The following GTF2IRD1 variants were observed in gnomAD, a reference collection of about 807,000 sequenced individuals.
GTF2IRD1 encodes the protein general transcription factor II-I repeat domain-containing protein 1.
Under a neutral mutation model 113.2 loss-of-function variants are expected in GTF2IRD1, and 26 were observed. The ratio of observed to expected loss-of-function variants is 0.23; its 90% CI spans 0.17 to 0.32. GTF2IRD1 has a LOEUF of 0.32. Among genes scored for constraint, GTF2IRD1 ranks in the 10% least tolerant of loss-of-function variants. The pLI is 1.00. For missense variants in GTF2IRD1, 864 were observed against 1,280.8 expected (o/e 0.67, Z 4.97); for synonymous variants, 484 against 529.1 (o/e 0.91, Z 1.17).
At chr7:74,527,217 G>A (rs782017536) in intron 8 of GTF2IRD1, among the ~76,000 whole-genome samples, 4 of 152,164 alleles carry the variant, frequency 2.6e-5, no homozygotes, top group Non-Finnish European at 5.9e-5. Flanking sequence ...GGCCAGGAGC[G>A]GTGGCTCATG....
At chr7:74,515,301 A>G (rs1431917546) in intron 3 of GTF2IRD1, 140 bp from the exon 4 acceptor site, 54 of 1,512,768 alleles carry the variant, frequency 3.6e-5, no homozygotes, top group Non-Finnish European at 4.8e-5. Flanking sequence ...TCACTCATTA[A>G]TTCTTCATTC....
At chr7:74,556,304 A>G (rs1554356840) in intron 19 of GTF2IRD1, among the ~76,000 whole-genome samples, 1 of 151,378 alleles carries the variant, frequency 6.6e-6, no homozygotes, top group Non-Finnish European at 1.5e-5. Context: ...GGATCCCTCC[A>G]GCACATGCTG....
At chr7:74,471,590 G>A (rs1228048367) in intron 1 of GTF2IRD1, among the ~76,000 whole-genome samples, 3 of 146,428 alleles carry the variant, frequency 2.0e-5, no homozygotes, top group Admixed American at 6.8e-5. Context: ...GTGGGAGGGT[G>A]GTTTGAGCCC....
intron 1 of GTF2IRD1, among the ~76,000 whole-genome samples, chr7:74,495,051 G>A (rs1302978307): frequency 6.6e-6 from 1 of 152,218 alleles, no homozygotes; most frequent in Non-Finnish European, 1.5e-5. Flanking sequence ...ACCACACCTG[G>A]CCTAAGAATG....
intron 1 of GTF2IRD1, among the ~76,000 whole-genome samples, 171 bp downstream of exon 1, chr7:74,454,347 G>T (rs946471573): frequency 2.3e-5 from 3 of 132,660 alleles, no homozygotes; most frequent in Admixed American, 1.5e-4. Flanking sequence ...ACGTGACTGG[G>T]ATTATAATTC....
intron 25 of GTF2IRD1, among the ~76,000 whole-genome samples, chr7:74,598,093 C>A (rs587646947): frequency 6.6e-6 from 1 of 152,222 alleles, no homozygotes; most frequent in South Asian, 2.1e-4. Context: ...CGTGGTGGCG[C>A]GTACCTGTTG....
intron 22 of GTF2IRD1, among the ~76,000 whole-genome samples, chr7:74,572,777 A>G (rs1229284008): frequency 1.3e-5 from 2 of 152,054 alleles, no homozygotes; most frequent in Non-Finnish European, 2.9e-5. Context: ...TTCCAGCGCC[A>G]GCCACATGTT....
chr7:74,487,482 C>G (rs1584500899), intron 1 of GTF2IRD1: 3 of 152,228 alleles, frequency 2.0e-5, no homozygotes, highest in Non-Finnish European at 2.9e-5. Context: ...AGACCCGACT[C>G]TGCTTAGCTT....
intron 8 of GTF2IRD1, among the ~76,000 whole-genome samples, chr7:74,528,634 G>A (rs369204063): frequency 1.4e-5 from 2 of 139,908 alleles, no homozygotes; most frequent in South Asian, 2.7e-4. Context: ...AGGAGGCTGT[G>A]TTAGGCTGCC....
rs563668646 is a variant in GTF2IRD1, at chr7:74,485,905, GAC to G, written c.-6-22168_-6-22167del. Among the ~76,000 whole-genome samples, 622 of 152,090 alleles carry G rather than the reference GAC, an allele frequency of 4.1e-3. 13 individuals carry two copies. The highest frequency in any genetic ancestry group is 0.034 in the Middle Eastern group (10 of 294). ...CGTGCCTCTGCACTCCAGCCTCGGT[GAC>G]AGAGTGAGACCCTGTCTTTAAAAAA... On this transcript the variant is annotated intron_variant, in intron 1 of 26. Coordinates refer to ENST00000424337, the MANE Select transcript of GTF2IRD1 (RefSeq NM_005685.4).
chr7:74,507,955 G>A, intron 1 of GTF2IRD1, 120 bp from the exon 2 acceptor site: 1 of 1,124,826 alleles, frequency 8.9e-7, no homozygotes, highest in Non-Finnish European at 1.2e-6. Context: ...GGGAAGGTCA[G>A]CCCTGGATAC....
chr7:74,590,927 T>A lies in GTF2IRD1; in HGVS notation c.2501T>A (p.Phe834Tyr). Residue 834 changes from phenylalanine (F) to tyrosine (Y), a missense_variant, in exon 24 of 27, where the codon TTC (phenylalanine) becomes TAC (tyrosine). Transcript: ENST00000424337. ...ACGGGTCTGCCTGATGACATCCCCT[T>A]CCGGAACCCCAACACGTACGACATC... ...EVTGLPDDIP[F>Y]RNPNTYDIHR... 2 of 1,613,610 alleles carry A rather than the reference T, an allele frequency of 1.2e-6. No homozygotes were observed. The highest frequency in any genetic ancestry group is 1.7e-6 in the Non-Finnish European group (2 of 1,179,776).
rs1225424778 is a variant in GTF2IRD1, at chr7:74,538,176, G to A, written c.1447+3G>A. On this transcript the variant is annotated splice_donor_region_variant and intron_variant, in intron 12 of 26. Coordinates refer to ENST00000424337, the MANE Select transcript of GTF2IRD1 (RefSeq NM_005685.4). ...CATGTCTGAAGACTGTGGGCCAGGT[G>A]AGAAGGAACAGGGCCCGCTGTGTGT... is the stretch of plus-strand genomic sequence containing the variant. 6.2e-7 allele frequency: 1 copy of A among 1,612,422 alleles called. No individual in the cohort carries two copies. The highest frequency in any genetic ancestry group is 8.5e-7 in the Non-Finnish European group (1 of 1,179,786).
chr7:74,492,446 T>A (rs1285733740), intron 1 of GTF2IRD1, among the ~76,000 whole-genome samples: 18 of 151,936 alleles, frequency 1.2e-4, no homozygotes, highest in East Asian at 7.7e-4. Context: ...CTGGGATTAC[T>A]GGTGTGAGCC....
At chr7:74,591,157 A>G (rs1465033886) in intron 24 of GTF2IRD1, 140 bp downstream of exon 24, 2 of 485,608 alleles carry the variant, frequency 4.1e-6, no homozygotes, top group Non-Finnish European at 7.3e-6. Context: ...GAAACATACA[A>G]CTTCAACAGT....
intron 17 of GTF2IRD1, among the ~76,000 whole-genome samples, chr7:74,554,004 G>A (rs1449292297): frequency 6.6e-6 from 1 of 152,098 alleles, no homozygotes; most frequent in Admixed American, 6.6e-5. Flanking sequence ...GATGCCCACC[G>A]CCAGAGCGGG....
chr7:74,543,872 CAAAAAAAAAAAA>C (rs782039486), intron 14 of GTF2IRD1, among the ~76,000 whole-genome samples: 1 of 34,590 alleles, frequency 2.9e-5, no homozygotes, highest in Non-Finnish European at 6.2e-5. Context: ...CCCATCTCTA[CAAAAAAAAAAAA>C]AAAAAAAAAA....
chr7:74,576,167 T>C (rs975956287), intron 22 of GTF2IRD1, among the ~76,000 whole-genome samples: 2 of 151,938 alleles, frequency 1.3e-5, no homozygotes, highest in Admixed American at 1.3e-4. Context: ...CTCAAAAAAA[T>C]AAATAAATTA....
At chr7:74,594,194 G>A (rs190491487) in intron 24 of GTF2IRD1, among the ~76,000 whole-genome samples, 40 of 148,850 alleles carry the variant, frequency 2.7e-4, no homozygotes, top group African/African-American at 5.7e-4. Flanking sequence ...GCAAGACTCC[G>A]TCTCAAAAAA....
Sources: allele counts gnomAD v4.1 joint callset (sites outside exome capture counted in the v4.1 genomes callset), GRCh38; gene constraint gnomAD v4.1.1; transcripts MANE v1.5; gene names NCBI Gene and HGNC (gene_info 2026-07-23, HGNC 2026-07-21).